Variants in CDT1 observed in about 807,000 individuals in gnomAD.
CDT1 encodes DNA replication factor Cdt1.
Under a neutral mutation model 49.3 loss-of-function variants are expected in CDT1, and 66 were observed. The observed-to-expected ratio is 1.34, with a 90% CI of 1.10 to 1.64. The LOEUF is 1.64. Ranked by LOEUF, CDT1 falls within the 40% of genes most tolerant of loss-of-function variation. CDT1 has a pLI of 0.00. For missense variants in CDT1, 958 were observed against 807.7 expected (o/e 1.19, Z -2.26); for synonymous variants, 424 against 347.4 (o/e 1.22, Z -2.45).
chr16:88,805,028 G>A (rs759580972), intron 3 of CDT1, 130 bp downstream of exon 3: 4 of 1,271,968 alleles, frequency 3.1e-6, no homozygotes, highest in South Asian at 3.0e-5. Context: ...ACCAGGGCGC[G>A]GACCCAGACC....
In CDT1 at chr16:88,805,518, G is replaced by A. The variant is rs767871438; in HGVS notation, c.567G>A (p.Lys189=). ...TGCCGGGACTCGTGCTGCCCTACAAGTACCAGGTGCTGGCGGAGATGTTCC... is the reference window on the plus strand; with the variant it reads ...TGCCGGGACTCGTGCTGCCCTACAAATACCAGGTGCTGGCGGAGATGTTCC... ...PGLPGLVLPY[K]YQVLAEMFRS... Residue 189 remains lysine (K), a synonymous_variant, in exon 4 of 10, where the codon AAG becomes AAA. Coordinates refer to ENST00000301019, the MANE Select transcript of CDT1 (RefSeq NM_030928.4). The A allele has an allele frequency of 6.2e-6, 10 of 1,612,952 alleles. No homozygotes were observed. The East Asian group carries it at 2.2e-4, about 36-fold the overall frequency.
At position 88,806,023 on chromosome 16, in the gene CDT1, G is replaced by C; in HGVS notation, c.835G>C (p.Ala279Pro). The change falls in exon 6 of 10, where the codon GCT becomes CCT. Residue 279 changes from alanine (A) to proline (P), a missense_variant and splice_region_variant. Ala to Pro is a conservative substitution (Grantham distance 27). Coordinates refer to ENST00000301019, the MANE Select transcript of CDT1 (RefSeq NM_030928.4). ...LTIEPLLEQE[A>P]DGAAPQLTAS... ...TTAGGCCTGGACTCGTCCCACAGAG[G>C]CTGACGGAGCAGCCCCCCAGCTCAC... 6.3e-7 allele frequency: 1 copy of C among 1,590,262 alleles called. No individual in the cohort carries two copies. The highest frequency in any genetic ancestry group is 1.1e-5 in the South Asian group (1 of 88,686).
In CDT1 at chr16:88,804,594, C is replaced by T. The variant is rs751451179; in HGVS notation, c.278C>T (p.Ser93Phe). ...GCCCCAGACATCCCAGCCTGCCCTT[C>T]TCCGGGCCAGAAGATAAAGAAATCC... ...PEAPDIPACP[S>F]PGQKIKKSTP... Residue 93 changes from serine (S) to phenylalanine (F), a missense_variant, in exon 2 of 10, where the codon TCT becomes TTT. Physicochemically the swap from Ser to Phe is radical, Grantham distance 155. Transcript: ENST00000301019. The T allele has an allele frequency of 1.4e-5, 22 of 1,612,970 alleles. No homozygotes were observed. The highest frequency in any genetic ancestry group is 1.6e-5 in the Non-Finnish European group (19 of 1,179,938).
In CDT1 at chr16:88,803,880, C is replaced by T. The variant is rs771807015; in HGVS notation, c.49C>T (p.Pro17Ser). 4 of 1,465,664 alleles carry T rather than the reference C, an allele frequency of 2.7e-6. No individual in the cohort carries two copies. The highest frequency in any genetic ancestry group is 1.2e-5 in the South Asian group (1 of 81,898). 90.8% of individuals were successfully genotyped at this position (1,465,664 alleles called of 1,614,324 possible). ...TDFFARRRPG[P>S]PRIAPPKLAC... Reference sequence around the variant, plus strand: ...CTTCTTCGCGCGCCGCCGCCCCGGGCCCCCCCGCATCGCGCCGCCCAAGCT... The same window carrying T: ...CTTCTTCGCGCGCCGCCGCCCCGGGTCCCCCCGCATCGCGCCGCCCAAGCT... The change falls in exon 1 of 10, where the codon CCC becomes TCC. Residue 17 changes from proline to serine, a missense_variant. By Grantham distance (74) the Pro-to-Ser change is moderately conservative. Transcript: ENST00000301019.
At chr16:88,806,773 C>A in intron 7 of CDT1, 99 bp downstream of exon 7, 1 of 1,435,520 alleles carries the variant, frequency 7.0e-7, no homozygotes, top group Non-Finnish European at 9.5e-7. Context: ...AGCTTGACGC[C>A]TCATCTGGCT....
At chr16:88,804,488 C>A (rs948827262) in intron 1 of CDT1, 57 bp from the exon 2 acceptor site, 6 of 1,589,116 alleles carry the variant, frequency 3.8e-6, no homozygotes, top group Non-Finnish European at 5.1e-6. Context: ...GGGTCCTCTG[C>A]AGAGCCAGGA....
chr16:88,807,211 G>A lies in CDT1; in HGVS notation c.1275+8G>A, dbSNP rs546977389. On this transcript the variant is annotated splice_region_variant and intron_variant, in intron 8 of 9. Coordinates refer to ENST00000301019, the MANE Select transcript of CDT1 (RefSeq NM_030928.4). ...CAGGATCTGCTGGAGCGGGTGAGTC[G>A]TCCCCAGTGATGGCGGGTGGGCGCC... The A allele has an allele frequency of 6.8e-5, 109 of 1,612,178 alleles. No individual in the cohort carries two copies. Among genetic ancestry groups the A allele is most frequent in the East Asian group, 1.1e-4 (5 of 44,862 alleles).
At chr16:88,805,984 G>A in intron 5 of CDT1, 37 bp from the exon 6 acceptor site, 1 of 1,576,114 alleles carries the variant, frequency 6.3e-7, no homozygotes, top group Non-Finnish European at 8.6e-7. Flanking sequence ...GTGGCTGGGT[G>A]GCCTGGTGGG....
intron 7 of CDT1, 50 bp downstream of exon 7, chr16:88,806,724 G>C (rs549493051): frequency 1.9e-6 from 3 of 1,549,494 alleles, no homozygotes; most frequent in South Asian, 1.2e-5. Context: ...GGGTGGGCCA[G>C]CCTGACCCCA....
Position 88,807,333 on chromosome 16 carries a change from A to G in CDT1, c.1328A>G (p.Glu443Gly), listed in dbSNP as rs763069753. 37 of 1,612,652 alleles carry G rather than the reference A, an allele frequency of 2.3e-5. No homozygotes were observed. Among genetic ancestry groups the G allele is most frequent in the Non-Finnish European group, 3.1e-5 (37 of 1,179,960 alleles). The change falls in exon 9 of 10, where the codon GAG (glutamate) becomes GGG (glycine). Residue 443 changes from glutamate to glycine, a missense_variant. Physicochemically the swap from Glu to Gly is moderately conservative, Grantham distance 98 (BLOSUM62 -2). Transcript: ENST00000301019. ...KQLAQMTRCP[E>G]QEQRLQRLER... ...CTGGCACAGATGACGCGGTGCCCGG[A>G]GCAGGAGCAGCGGCTGCAGCGCTTA...
chr16:88,807,344 C>T lies in CDT1; in HGVS notation c.1339C>T (p.Arg447Trp), dbSNP rs755342796. The T allele has an allele frequency of 1.5e-5, 24 of 1,612,530 alleles. No homozygotes were observed. The highest frequency in any genetic ancestry group is 1.7e-4 in the Middle Eastern group (1 of 6,046). ...GACGCGGTGCCCGGAGCAGGAGCAGCGGCTGCAGCGCTTAGAACGGCTGCC... is the reference window on the plus strand; with the variant it reads ...GACGCGGTGCCCGGAGCAGGAGCAGTGGCTGCAGCGCTTAGAACGGCTGCC... ...QMTRCPEQEQRLQRLERLPEL... is the reference protein window; with the variant it reads ...QMTRCPEQEQWLQRLERLPEL... The change falls in exon 9 of 10, where the codon CGG becomes TGG. Residue 447 changes from arginine (R) to tryptophan (W), a missense_variant. Coordinates refer to ENST00000301019, the MANE Select transcript of CDT1 (RefSeq NM_030928.4).
Position 88,805,582 on chromosome 16 carries a change from T to A in CDT1, c.631T>A (p.Ser211Thr). The change falls in exon 4 of 10, where the codon TCC becomes ACC. Residue 211 changes from serine (S) to threonine (T), a missense_variant. Physicochemically the swap from Ser to Thr is moderately conservative, Grantham distance 58. Coordinates refer to ENST00000301019, the MANE Select transcript of CDT1 (RefSeq NM_030928.4). ...CATCGTGGGCATGCTCCACAACCGC[T>A]CCGAGACGCCCACCTTTGCCAAGGT... ...DTIVGMLHNRSETPTFAKVQR... is the reference protein window; with the variant it reads ...DTIVGMLHNRTETPTFAKVQR... 2 of 1,612,784 alleles carry A rather than the reference T, an allele frequency of 1.2e-6. No individual in the cohort carries two copies. The highest frequency in any genetic ancestry group is 1.7e-6 in the Non-Finnish European group (2 of 1,179,950).
Position 88,803,947 on chromosome 16 carries a change from C to T in CDT1, c.116C>T (p.Ala39Val), listed in dbSNP as rs1363089635. 18 of 1,407,038 alleles carry T rather than the reference C, an allele frequency of 1.3e-5. No individual in the cohort carries two copies. The highest frequency in any genetic ancestry group is 3.0e-5 in the African/African-American group (2 of 65,684). The allele number at this position is 1,407,038 out of a possible 1,614,324, so 87.2% of individuals were successfully genotyped here. A position where few individuals can be genotyped will look rare whatever the true frequency, so the allele number is the denominator to read the frequency against. ...TPSPARPALR[A>V]PASATSGSRK... ...AGCCCCGCCAGGCCCGCACTCCGCG[C>T]CCCGGCCTCCGCTACCAGTGGCAGC... is the stretch of plus-strand genomic sequence containing the variant. Residue 39 changes from alanine to valine, a missense_variant, in exon 1 of 10, where the codon GCC becomes GTC. Coordinates refer to ENST00000301019, the MANE Select transcript of CDT1 (RefSeq NM_030928.4).
chr16:88,805,760 C>T lies in CDT1; in HGVS notation c.723C>T (p.Thr241=), dbSNP rs760450551. 1.2e-5 allele frequency: 19 copies of T among 1,612,950 alleles called. No individual in the cohort carries two copies. The East Asian group carries it at 1.8e-4, about 15-fold the overall frequency. Residue 241 remains threonine, a synonymous_variant, in exon 5 of 10, where the codon ACC becomes ACT. Transcript: ENST00000301019. ...AGTGCAATGTTGGCCAGATCAAAAC[C>T]GTGTACCCGGCCTCCTACCGCTTCC... The part of the protein sequence containing the change: ...FEECNVGQIK[T]VYPASYRFRQ...
At chr16:88,806,255 G>C (rs921894769) in intron 6 of CDT1, 134 bp downstream of exon 6, 3 of 1,030,796 alleles carry the variant, frequency 2.9e-6, no homozygotes, top group African/African-American at 1.6e-5. Flanking sequence ...ACCCTGAGCT[G>C]AGGGCTGGTG....
rs1219616154 is a variant in CDT1, at chr16:88,808,981, CAG to C, written c.*706_*707del. ...ACTGCACGCACTCCAGCCTGGGTGACAGAGCGAGACTCCGTCTCAAAAAAAAA... is the reference window on the plus strand; with the variant it reads ...ACTGCACGCACTCCAGCCTGGGTGACAGCGAGACTCCGTCTCAAAAAAAAA... On this transcript the variant is annotated 3_prime_UTR_variant, in exon 10 of 10. Coordinates refer to ENST00000301019, the MANE Select transcript of CDT1 (RefSeq NM_030928.4). 1.8e-5 allele frequency: 3 copies of C among 170,714 alleles called. No homozygotes were observed. Among genetic ancestry groups the C allele is most frequent in the African/African-American group, 4.8e-5 (2 of 41,632 alleles). 10.6% of individuals were successfully genotyped at this position (170,714 alleles called of 1,614,324 possible). A position where few individuals can be genotyped will look rare whatever the true frequency, so the allele number is the denominator to read the frequency against.
rs773731569 is a variant in CDT1 at position 88,807,148 on chromosome 16, C to T, written c.1220C>T (p.Pro407Leu). Residue 407 changes from proline to leucine, a missense_variant, in exon 8 of 10, where the codon CCG becomes CTG. By Grantham distance (98) the Pro-to-Leu change is moderately conservative (BLOSUM62 -3). Transcript: ENST00000301019. ...PALPATPPATPPAASPSALKG... is the reference protein window; with the variant it reads ...PALPATPPATLPAASPSALKG... ...CTGCCGGCTACCCCACCAGCCACCC[C>T]GCCTGCAGCCTCTCCCAGTGCTCTG... 2.4e-5 allele frequency: 39 copies of T among 1,612,558 alleles called. No homozygotes were observed. The South Asian group carries it at 2.9e-4, about 12-fold the overall frequency.
chr16:88,804,129 C>T (rs1416186141), intron 1 of CDT1, 70 bp downstream of exon 1: 10 of 878,692 alleles, frequency 1.1e-5, no homozygotes, highest in African/African-American at 5.5e-5. Context: ...GGGCAGGGCT[C>T]GGGGAAACTG....
At position 88,808,098 on chromosome 16, in the gene CDT1, C is replaced by T. The variant is rs889499261; in HGVS notation, c.1478-17C>T. 6.2e-7 allele frequency: 1 copy of T among 1,611,024 alleles called. No homozygotes were observed. Among genetic ancestry groups the T allele is most frequent in the African/African-American group, 1.3e-5 (1 of 75,030 alleles). ...GGGGCCCAGCACCAGCCTCAGTGTC[C>T]TCCTCTCCTCCCCCAGGGGAAATGG... On this transcript the variant is annotated splice_polypyrimidine_tract_variant and intron_variant, in intron 9 of 9. Transcript: ENST00000301019.
Sources: allele counts gnomAD v4.1 joint callset, GRCh38; gene constraint gnomAD v4.1.1; transcripts MANE v1.5; gene names NCBI Gene and HGNC (gene_info 2026-07-23, HGNC 2026-07-21).